The following NQO1 variants were observed in gnomAD, a reference collection of about 807,000 sequenced individuals.
NQO1 encodes the protein NAD(P)H quinone dehydrogenase 1, also known as NAD(P)H dehydrogenase [quinone] 1.
NQO1 carries 30 observed loss-of-function variants against 32.1 expected under a neutral mutation model. The observed-to-expected ratio is 0.94, with a 90% CI of 0.70 to 1.27. The LOEUF is 1.27. Ranked by LOEUF, NQO1 falls within the 50% of genes most tolerant of loss-of-function variation. The probability of loss-of-function intolerance (pLI) is 0.00; values close to 1 mark genes in which losing one functional copy is unlikely to be tolerated. For missense variants in NQO1, 276 were observed against 331.3 expected, an observed-to-expected ratio of 0.83 and a Z score of 1.30; for synonymous variants, 109 against 119.7, an observed-to-expected ratio of 0.91 and a Z score of 0.59.
At chr16:69,722,257 G>A (rs2038202453) in intron 1 of NQO1, among the ~76,000 whole-genome samples, 1 of 152,116 alleles carries the variant, frequency 6.6e-6, no homozygotes, top group Admixed American at 6.6e-5. Context: ...TCTGCCTCCC[G>A]GGTTCAAGCG....
At chr16:69,726,290 G>T in intron 1 of NQO1, 143 bp downstream of exon 1, 1 of 1,152,722 alleles carries the variant, frequency 8.7e-7, no homozygotes, top group Non-Finnish European at 1.2e-6. Flanking sequence ...GTCCGATCAA[G>T]GCTCATCCCA....
chr16:69,711,656 T>C (rs112481974), intron 5 of NQO1, among the ~76,000 whole-genome samples: 2,782 of 145,856 alleles, frequency 0.019, 91 homozygotes, highest in African/African-American at 0.061. Context: ...TTCTTTTTCT[T>C]TTTTTTTTTT....
chr16:69,712,104 T>C (rs1194044880), intron 5 of NQO1, among the ~76,000 whole-genome samples: 2 of 152,162 alleles, frequency 1.3e-5, no homozygotes, highest in Admixed American at 6.6e-5. Context: ...TCCTTTTTCT[T>C]CGAAACAGGG....
At chr16:69,715,732 C>A (rs1315550877) in intron 3 of NQO1, among the ~76,000 whole-genome samples, 2 of 152,230 alleles carry the variant, frequency 1.3e-5, no homozygotes, top group Non-Finnish European at 2.9e-5. Flanking sequence ...CGTGCCACTG[C>A]ACTCCAGCCT....
chr16:69,711,644 T>C (rs573357071), intron 5 of NQO1, among the ~76,000 whole-genome samples: 12 of 151,898 alleles, frequency 7.9e-5, no homozygotes, highest in Admixed American at 6.6e-4. Context: ...TGAGTCCTTT[T>C]TTTCTTTTTC....
intron 1 of NQO1, among the ~76,000 whole-genome samples, chr16:69,725,372 C>A (rs1217529034): frequency 1.3e-5 from 2 of 152,220 alleles, no homozygotes; most frequent in Admixed American, 6.5e-5. Flanking sequence ...ACTGTCCAAT[C>A]TCAGAGTGAG....
rs2151741694 is a variant in NQO1, at chr16:69,711,178, C to T, written c.623G>A (p.Trp208Ter). 6.2e-7 allele frequency: 1 copy of T among 1,614,186 alleles called. No individual in the cohort carries two copies. The highest frequency in any genetic ancestry group is 1.1e-5 in the South Asian group (1 of 91,080). ...ADARIQILEG[W>*]KKRLENIWDE... ...CCAAATATTCTCCAGGCGTTTCTTC[C>T]ATCCTTCCAGGATTTGAATTCGGGC... Residue 208 changes from tryptophan (W) to a stop codon, truncating the protein, a stop_gained, in exon 6 of 6, where the codon TGG becomes TAG. Transcript: ENST00000320623. LOFTEE classifies it high-confidence loss of function.
intron 3 of NQO1, among the ~76,000 whole-genome samples, 181 bp from the exon 4 acceptor site, chr16:69,715,258 C>T (rs1597598436): frequency 6.6e-6 from 1 of 152,176 alleles, no homozygotes; most frequent in Non-Finnish European, 1.5e-5. Context: ...CTTGGTCAGC[C>T]AACTTGACAG....
At position 69,711,167 on chromosome 16, in the gene NQO1, G is replaced by C. The variant is rs1187780799; in HGVS notation, c.634C>G (p.Leu212Val). 1.2e-6 allele frequency: 2 copies of C among 1,614,058 alleles called. No individual in the cohort carries two copies. Among genetic ancestry groups the C allele is most frequent in the Non-Finnish European group, 1.7e-6 (2 of 1,180,050 alleles). ...IQILEGWKKR[L>V]ENIWDETPLY... ...GGTGTCTCATCCCAAATATTCTCCA[G>C]GCGTTTCTTCCATCCTTCCAGGATT... Residue 212 changes from leucine to valine, a missense_variant, in exon 6 of 6, where the codon CTG becomes GTG. By Grantham distance (32) the Leu-to-Val change is conservative (BLOSUM62 1). Coordinates refer to ENST00000320623, the MANE Select transcript of NQO1 (RefSeq NM_000903.3).
rs2038143753 is a variant in NQO1, at chr16:69,718,365, C to T, written c.172+5G>A. On this transcript the variant is annotated splice_donor_5th_base_variant and intron_variant, in intron 2 of 5. Coordinates refer to ENST00000320623, the MANE Select transcript of NQO1 (RefSeq NM_000903.3). ...ATTAAAGAGGGGAGGAGGAACTCCT[C>T]CTACCTGTGATGTCCTTTCTGGAAA... 3 of 1,614,038 alleles carry T rather than the reference C, an allele frequency of 1.9e-6. No homozygotes were observed. The highest frequency in any genetic ancestry group is 2.2e-5 in the East Asian group (1 of 44,902).
chr16:69,722,773 T>G (rs144151217), intron 1 of NQO1, among the ~76,000 whole-genome samples: 9 of 152,290 alleles, frequency 5.9e-5, no homozygotes. Flanking sequence ...AAAAGGAAGC[T>G]CTGAGGCTGC....
Position 69,711,065 on chromosome 16 carries a change from C to T in NQO1, c.736G>A (p.Glu246Lys), listed in dbSNP as rs1464784904. 1.2e-6 allele frequency: 2 copies of T among 1,614,086 alleles called. No homozygotes were observed. Among genetic ancestry groups the T allele is most frequent in the African/African-American group, 1.3e-5 (1 of 74,938 alleles). The change falls in exon 6 of 6, where the codon GAG (glutamate) becomes AAG (lysine). Residue 246 changes from glutamate (E) to lysine (K), a missense_variant. Glu to Lys is a moderately conservative substitution (Grantham distance 56). Coordinates refer to ENST00000320623, the MANE Select transcript of NQO1 (RefSeq NM_000903.3). ...GFLMKKEVQDEEKNKKFGLSV... is the reference protein window; with the variant it reads ...GFLMKKEVQDKEKNKKFGLSV... ...AGGCCAAATTTCTTGTTTTTCTCCT[C>T]ATCCTGTACCTCTTTTTTCATTAAG...
chr16:69,718,269 A>G lies in NQO1; in HGVS notation c.173-16T>C, dbSNP rs1322587964. On this transcript the variant is annotated splice_polypyrimidine_tract_variant and intron_variant, in intron 2 of 5. Transcript: ENST00000320623. ...TTCAGTTTACCTGCAGAGAAGAAAA[A>G]GAGAGGCTGGGGCCAGAGGGGCCAA... is the stretch of plus-strand genomic sequence containing the variant. 6.8e-6 allele frequency: 11 copies of G among 1,613,590 alleles called. No individual in the cohort carries two copies. The highest frequency in any genetic ancestry group is 1.3e-5 in the African/African-American group (1 of 74,868).
intron 4 of NQO1, among the ~76,000 whole-genome samples, chr16:69,713,362 G>T (rs2038066786): frequency 6.6e-6 from 1 of 152,200 alleles, no homozygotes; most frequent in African/African-American, 2.4e-5. Context: ...ACCCCCACAT[G>T]TGGCTTAGGA....
chr16:69,709,745 G>A lies in NQO1; in HGVS notation c.*1231C>T, dbSNP rs1280866523. ...TTATATAATACCAACAGTGGAATGA[G>A]ATGACTTCCAGAAGTAGAAATTGAC... On this transcript the variant is annotated 3_prime_UTR_variant, in exon 6 of 6. Coordinates refer to ENST00000320623, the MANE Select transcript of NQO1 (RefSeq NM_000903.3). 1 of 398,410 alleles carries A rather than the reference G, an allele frequency of 2.5e-6. No homozygotes were observed. Among genetic ancestry groups the A allele is most frequent in the East Asian group, 3.6e-5 (1 of 28,082 alleles). The allele number at this position is 398,410 out of a possible 1,614,324, so 24.7% of individuals were successfully genotyped here.
intron 4 of NQO1, among the ~76,000 whole-genome samples, chr16:69,713,898 T>A (rs368100070): frequency 8.3e-6 from 1 of 120,852 alleles, no homozygotes; most frequent in Admixed American, 9.4e-5. Flanking sequence ...GTTTTTGATA[T>A]GGAGGCTCGC....
intron 1 of NQO1, among the ~76,000 whole-genome samples, chr16:69,721,997 A>G (rs8053497): frequency 0.035 from 5,346 of 152,016 alleles, 339 homozygotes; most frequent in African/African-American, 0.12. Context: ...TGAGACTTAC[A>G]AACAGTGAGA....
At chr16:69,717,426 T>C (rs1196170317) in intron 3 of NQO1, among the ~76,000 whole-genome samples, 1 of 152,090 alleles carries the variant, frequency 6.6e-6, no homozygotes, top group Non-Finnish European at 1.5e-5. Context: ...TTGGGATTCT[T>C]ATGGAGAAAG....
chr16:69,710,360 A>T lies in NQO1; in HGVS notation c.*616T>A, dbSNP rs1169665191. ...AAAAATTTTTTTTAATTAAAAAAAA[A>T]GTAGATGACTGCAGCAAAGAAGAGA... On this transcript the variant is annotated 3_prime_UTR_variant, in exon 6 of 6. Transcript: ENST00000320623. 6.6e-6 allele frequency: 1 copy of T among 151,610 alleles called. No homozygotes were observed. 9.4% of individuals were successfully genotyped at this position (151,610 alleles called of 1,614,324 possible). A position where few individuals can be genotyped will look rare whatever the true frequency, so the allele number is the denominator to read the frequency against.
Sources: allele counts gnomAD v4.1 joint callset (sites outside exome capture counted in the v4.1 genomes callset), GRCh38; gene constraint gnomAD v4.1.1; transcripts MANE v1.5; gene names NCBI Gene and HGNC (gene_info 2026-07-23, HGNC 2026-07-21).